The following NLRP11 variants were observed in gnomAD, a reference collection of about 807,000 sequenced individuals.
NLRP11 encodes NLR family pyrin domain containing 11.
A neutral mutation model predicts 79.3 loss-of-function variants in NLRP11; 53 were observed. The ratio of observed to expected loss-of-function variants is 0.67; its 90% CI spans 0.54 to 0.84. The LOEUF (loss-of-function observed/expected upper bound fraction) is 0.84. Among genes scored for constraint, NLRP11 ranks in the 40% least tolerant of loss-of-function variants. The pLI is 0.00. For synonymous variants in NLRP11, 518 were observed against 462.6 expected, an observed-to-expected ratio of 1.12 and a Z score of -1.54; for missense variants, 1,264 against 1,255.0, an observed-to-expected ratio of 1.01 and a Z score of -0.11.
At chr19:55,820,990 C>T (rs778804543) in intron 1 of NLRP11, among the ~76,000 whole-genome samples, 15 of 152,124 alleles carry the variant, frequency 9.9e-5, no homozygotes, top group Admixed American at 6.5e-4. Flanking sequence ...CACCCCCCAC[C>T]CACATTCCCA....
At chr19:55,816,871 G>A (rs1013420858) in intron 2 of NLRP11, among the ~76,000 whole-genome samples, 7 of 152,160 alleles carry the variant, frequency 4.6e-5, no homozygotes, top group Non-Finnish European at 8.8e-5. Flanking sequence ...CCACAAAATA[G>A]AACATGACCC....
At chr19:55,813,504 A>G (rs1980802632) in intron 2 of NLRP11, among the ~76,000 whole-genome samples, 1 of 152,198 alleles carries the variant, frequency 6.6e-6, no homozygotes. Flanking sequence ...CAGTCTATGT[A>G]AGTACTAAGA....
chr19:55,833,128 C>A (rs1185107813), upstream of NLRP11, among the ~76,000 whole-genome samples: 1 of 151,858 alleles, frequency 6.6e-6, no homozygotes, highest in Non-Finnish European at 1.5e-5. Flanking sequence ...AAAATATAAA[C>A]TAGAAATAAT....
chr19:55,797,281 T>G (rs1979016482), intron 5 of NLRP11, among the ~76,000 whole-genome samples: 1 of 151,746 alleles, frequency 6.6e-6, no homozygotes, highest in African/African-American at 2.4e-5. Flanking sequence ...CCTGGACAAC[T>G]GAGCAAGACG....
At chr19:55,821,319 T>C (rs1459250729) in intron 1 of NLRP11, among the ~76,000 whole-genome samples, 2 of 152,034 alleles carry the variant, frequency 1.3e-5, no homozygotes, top group African/African-American at 4.8e-5. Context: ...TATCACTTGC[T>C]GCTGGGGGAA....
intron 5 of NLRP11, among the ~76,000 whole-genome samples, chr19:55,798,813 C>T (rs570460466): frequency 3.9e-5 from 6 of 152,158 alleles, no homozygotes; most frequent in East Asian, 3.9e-4. Context: ...TGCCCTTCTA[C>T]ACTCTTTTCC....
chr19:55,834,876 A>C (rs1310917828), upstream of NLRP11, among the ~76,000 whole-genome samples: 1 of 152,258 alleles, frequency 6.6e-6, no homozygotes, highest in Non-Finnish European at 1.5e-5. Context: ...CTATAATTCG[A>C]AAATGAGGAA....
intron 5 of NLRP11, among the ~76,000 whole-genome samples, chr19:55,798,626 G>C (rs956904275): frequency 3.9e-5 from 6 of 152,138 alleles, no homozygotes; most frequent in Non-Finnish European, 8.8e-5. Context: ...GTTTACCTGT[G>C]TAACAAACCT....
At chr19:55,799,591 T>C (rs1471857570) in intron 5 of NLRP11, among the ~76,000 whole-genome samples, 1 of 152,086 alleles carries the variant, frequency 6.6e-6, no homozygotes, top group African/African-American at 2.4e-5. Context: ...AGAGGCTAAC[T>C]ACAAAGTGGC....
chr19:55,788,853 G>A, exon 9 of NLRP11: 1 of 1,607,810 alleles, frequency 6.2e-7, no homozygotes, highest in South Asian at 1.1e-5. Flanking sequence ...CTCTCAAGAA[G>A]TTTTGCAACT....
chr19:55,802,734 C>T (rs372669822), intron 4 of NLRP11, among the ~76,000 whole-genome samples: 63 of 152,312 alleles, frequency 4.1e-4, no homozygotes, highest in African/African-American at 1.4e-3. Context: ...AAGAACAAAG[C>T]TGGAGGCATC....
chr19:55,807,905 T>C lies in NLRP11; in HGVS notation c.1951A>G (p.Arg651Gly), dbSNP rs771617298. The stretch of plus-strand genomic sequence containing the variant: ...TGCTCCAGGGCTTTAGACAGAATCC[T>C]TTCTGAAATACCATTAAGGTCATTG... The change falls in exon 4 of 10, where the codon AGG becomes GGG. Residue 651 changes from arginine (R) to glycine (G), a missense_variant. Transcript: ENST00000589093. 184 of 1,613,016 alleles carry C rather than the reference T, an allele frequency of 1.1e-4. No homozygotes were observed. In the Middle Eastern group the frequency reaches 5.4e-3, roughly 48 times the overall value.
chr19:55,795,756 G>A (rs1978778580), intron 6 of NLRP11, among the ~76,000 whole-genome samples: 1 of 151,952 alleles, frequency 6.6e-6, no homozygotes, highest in Non-Finnish European at 1.5e-5. Context: ...CCAAAGTACT[G>A]GAATTACAGG....
chr19:55,791,911 C>G (rs575649732), intron 7 of NLRP11, among the ~76,000 whole-genome samples: 44 of 152,298 alleles, frequency 2.9e-4, no homozygotes, highest in Admixed American at 7.8e-4. Context: ...TATTTCCCAA[C>G]AGAAAGATGC....
rs3973377 is a variant in NLRP11, at chr19:55,811,970, TACAC to T, written c.272-1636_272-1633del. 4.1e-3 allele frequency among the ~76,000 whole-genome samples: 616 copies of T among 149,034 alleles called. 2 individuals are homozygous for T. Among genetic ancestry groups the T allele is most frequent in the Middle Eastern group, 0.01 (3 of 292 alleles). ...CAGAAGCTGTCCAGTTTCACACATGTACACACACACACACACACACACACACACG... is the reference window on the plus strand; with the variant it reads ...CAGAAGCTGTCCAGTTTCACACATGTACACACACACACACACACACACACG... On this transcript the variant is annotated intron_variant, in intron 2 of 9. Coordinates refer to ENST00000589093, the Ensembl canonical transcript of NLRP11.
At chr19:55,833,837 G>C (rs1600211692), upstream of NLRP11, among the ~76,000 whole-genome samples, 1 of 111,998 alleles carries the variant, frequency 8.9e-6, no homozygotes, top group Non-Finnish European at 1.9e-5. Flanking sequence ...AAAAAACATA[G>C]AACCCAGAAA....
At chr19:55,827,077 A>G (rs1982305380) in intron 1 of NLRP11, among the ~76,000 whole-genome samples, 2 of 144,112 alleles carry the variant, frequency 1.4e-5, no homozygotes. Context: ...ATATAGATCA[A>G]TGGAACAGAA....
At chr19:55,814,213 A>T (rs1980869806) in intron 2 of NLRP11, among the ~76,000 whole-genome samples, 2 of 152,136 alleles carry the variant, frequency 1.3e-5, no homozygotes, top group South Asian at 4.1e-4. Context: ...TCCTTATGAG[A>T]ATCTAATGCC....
At chr19:55,789,362 A>T (rs1568626054) in exon 8 of NLRP11, 1 of 1,614,052 alleles carries the variant, frequency 6.2e-7, no homozygotes, top group South Asian at 1.1e-5. Flanking sequence ...ATGGCAATAT[A>T]TTGACAGATA....
Sources: gnomAD v4.1 joint callset for allele counts (sites outside exome capture counted in the v4.1 genomes callset) on GRCh38, gnomAD v4.1.1 for gene constraint, MANE v1.5 for transcripts, NCBI Gene and HGNC (gene_info 2026-07-23, HGNC 2026-07-21) for gene names.